The following PPP4R3B variants were observed in gnomAD, a reference collection of about 807,000 sequenced individuals.
PPP4R3B encodes serine/threonine-protein phosphatase 4 regulatory subunit 3B.
Under a neutral mutation model 95.4 loss-of-function variants are expected in PPP4R3B, and 52 were observed. That is an observed-to-expected ratio of 0.54 (90% confidence interval 0.44 to 0.69). The LOEUF (loss-of-function observed/expected upper bound fraction) is 0.69, where lower values mean the gene tolerates loss of function less well. PPP4R3B is among the 30% of genes least tolerant of loss of function. PPP4R3B has a pLI of 0.00. For missense variants in PPP4R3B, 1,003 were observed against 1,005.9 expected (o/e 1.00, Z 0.04); for synonymous variants, 407 against 343.9 (o/e 1.18, Z -2.03).
rs991855856 is a variant in PPP4R3B at position 55,556,179 on chromosome 2, A to G, written c.2454+2596T>C. 3.3e-5 allele frequency among the ~76,000 whole-genome samples: 5 copies of G among 152,298 alleles called. No individual in the cohort carries two copies. In the East Asian group the frequency reaches 7.7e-4, roughly 24 times the overall value. On this transcript the variant is annotated intron_variant, in intron 16 of 16. Coordinates refer to ENST00000616407, the MANE Select transcript of PPP4R3B (RefSeq NM_001122964.3). Reference sequence around the variant, plus strand: ...TGAGAGCAAATTAAAGTGGTGCTTAACTTCTGTCAACTCCTGTCTTGCTTA... The same window carrying G: ...TGAGAGCAAATTAAAGTGGTGCTTAGCTTCTGTCAACTCCTGTCTTGCTTA...
At chr2:55,583,585 C>T (rs2104273238) in intron 7 of PPP4R3B, among the ~76,000 whole-genome samples, 1 of 152,258 alleles carries the variant, frequency 6.6e-6, no homozygotes, top group East Asian at 1.9e-4. Flanking sequence ...ACACACATCA[C>T]TGAAGATGGA....
chr2:55,552,226 T>A (rs1319669102), intron 16 of PPP4R3B, among the ~76,000 whole-genome samples: 2 of 152,182 alleles, frequency 1.3e-5, no homozygotes, highest in East Asian at 1.9e-4. Context: ...AGAGATGCAC[T>A]TTGTGAAGCT....
At chr2:55,560,473 G>C (rs573211048) in intron 15 of PPP4R3B, among the ~76,000 whole-genome samples, 6 of 152,092 alleles carry the variant, frequency 3.9e-5, no homozygotes, top group Non-Finnish European at 8.8e-5. Flanking sequence ...TTTCTAAGCA[G>C]CAAAGCATTC....
intron 8 of PPP4R3B, among the ~76,000 whole-genome samples, chr2:55,581,053 G>C (rs1689376818): frequency 6.6e-6 from 1 of 152,112 alleles, no homozygotes; most frequent in Non-Finnish European, 1.5e-5. Context: ...AGGGGTTCAA[G>C]ACCAGCCTGA....
chr2:55,573,886 C>CTTT (rs369126683), intron 11 of PPP4R3B, 109 bp from the exon 12 acceptor site: 6,774 of 275,650 alleles, frequency 0.025, 35 homozygotes, highest in Middle Eastern at 0.039. Flanking sequence ...GTATTTCCTC[C>CTTT]TTTTTTTTTT....
intron 16 of PPP4R3B, among the ~76,000 whole-genome samples, chr2:55,556,761 C>T (rs995299757): frequency 1.3e-5 from 2 of 152,078 alleles, no homozygotes; most frequent in Non-Finnish European, 2.9e-5. Context: ...TACTACCTTA[C>T]CCCTTTTTAA....
At chr2:55,608,422 G>A (rs1036446664) in intron 2 of PPP4R3B, among the ~76,000 whole-genome samples, 2 of 152,166 alleles carry the variant, frequency 1.3e-5, no homozygotes, top group African/African-American at 2.4e-5. Flanking sequence ...AACAGTCAAC[G>A]GTTACTGATC....
In PPP4R3B at chr2:55,596,556, A is replaced by T. The variant is rs185861150; in HGVS notation, c.921+1860T>A. Among the ~76,000 whole-genome samples the T allele has an allele frequency of 3.1e-3, 475 of 152,368 alleles. 2 individuals are homozygous for T. Among genetic ancestry groups the T allele is most frequent in the Non-Finnish European group, 5.7e-3 (388 of 68,036 alleles). On this transcript the variant is annotated intron_variant, in intron 4 of 16. Transcript: ENST00000616407. ...TTTCCAAAGTCAATATGCCACAGCA[A>T]TGCAAAAATAATAATAAAAGCTAGG...
chr2:55,601,015 C>T (rs998732112), intron 3 of PPP4R3B, among the ~76,000 whole-genome samples: 3 of 151,736 alleles, frequency 2.0e-5, no homozygotes, highest in East Asian at 1.9e-4. Flanking sequence ...GGCATGGTGG[C>T]GCACGCCTGT....
intron 13 of PPP4R3B, among the ~76,000 whole-genome samples, chr2:55,567,681 G>A (rs1687486814): frequency 6.6e-6 from 1 of 152,174 alleles, no homozygotes; most frequent in Non-Finnish European, 1.5e-5. Flanking sequence ...CTCCCAAAGT[G>A]CTGGGATTAC....
At chr2:55,596,932 C>A (rs963807012) in intron 4 of PPP4R3B, among the ~76,000 whole-genome samples, 2 of 152,034 alleles carry the variant, frequency 1.3e-5, no homozygotes, top group African/African-American at 4.8e-5. Context: ...CCATTGCACT[C>A]CAGCTTGGGC....
At chr2:55,557,001 G>A (rs1034979943) in intron 16 of PPP4R3B, among the ~76,000 whole-genome samples, 1 of 152,166 alleles carries the variant, frequency 6.6e-6, no homozygotes, top group Admixed American at 6.5e-5. Context: ...AGGTGGCGGA[G>A]GCAGTGAGCT....
chr2:55,597,617 G>A (rs1040738305), intron 4 of PPP4R3B, among the ~76,000 whole-genome samples: 1 of 79,428 alleles, frequency 1.3e-5, no homozygotes. Flanking sequence ...GCAAGACTCC[G>A]TCTCAAAAAC....
rs1686209376 is a variant in PPP4R3B, at chr2:55,558,904, A to G, written c.2325T>C (p.Thr775=). Residue 775 remains threonine, a synonymous_variant, in exon 16 of 17, where the codon ACT becomes ACC. Coordinates refer to ENST00000616407, the MANE Select transcript of PPP4R3B (RefSeq NM_001122964.3). ...TAGCAGCACTGGCAGAGTGGGAGAA[A>G]GTAAATTTGAAGCCACCAGGAGATG... ...KRTSPGGFKF[T]FSHSASAANG... 6.2e-7 allele frequency: 1 copy of G among 1,614,100 alleles called. No homozygotes were observed. The highest frequency in any genetic ancestry group is 2.2e-5 in the East Asian group (1 of 44,866).
Position 55,549,723 on chromosome 2 carries a change from C to T in PPP4R3B, c.*188G>A, listed in dbSNP as rs1685036934. On this transcript the variant is annotated 3_prime_UTR_variant, in exon 17 of 17. Coordinates refer to ENST00000616407, the MANE Select transcript of PPP4R3B (RefSeq NM_001122964.3). ...AAAAGGCAAACCCCTTAATTACTAG[C>T]AAGCAATCAAGTTCCTGGGAAGCCT... 1 of 548,778 alleles carries T rather than the reference C, an allele frequency of 1.8e-6. No homozygotes were observed. Among genetic ancestry groups the T allele is most frequent in the Non-Finnish European group, 3.2e-6 (1 of 315,106 alleles). The allele number at this position is 548,778 out of a possible 1,614,324, so 34.0% of individuals were successfully genotyped here.
chr2:55,576,567 T>C (rs1416995712), intron 11 of PPP4R3B, among the ~76,000 whole-genome samples: 1 of 151,330 alleles, frequency 6.6e-6, no homozygotes, highest in African/African-American at 2.4e-5. Context: ...ACGGTGAAAC[T>C]CCGCCTCTAC....
chr2:55,550,424 T>G (rs2103729112), intron 16 of PPP4R3B, among the ~76,000 whole-genome samples: 1 of 152,362 alleles, frequency 6.6e-6, no homozygotes, highest in East Asian at 1.9e-4. Flanking sequence ...ATTTCATCAC[T>G]AAGTACACAT....
chr2:55,553,155 A>G (rs747575786), intron 16 of PPP4R3B, among the ~76,000 whole-genome samples: 7 of 152,242 alleles, frequency 4.6e-5, no homozygotes, highest in African/African-American at 9.6e-5. Context: ...GCAAAGGACC[A>G]TATACTTCAT....
chr2:55,610,133 A>T (rs1025505578), intron 2 of PPP4R3B, among the ~76,000 whole-genome samples: 1 of 152,176 alleles, frequency 6.6e-6, no homozygotes, highest in Non-Finnish European at 1.5e-5. Flanking sequence ...TTTAATATTT[A>T]ATCATTTACT....
Sources: allele counts gnomAD v4.1 joint callset (sites outside exome capture counted in the v4.1 genomes callset), GRCh38; gene constraint gnomAD v4.1.1; transcripts MANE v1.5; gene names NCBI Gene and HGNC (gene_info 2026-07-23, HGNC 2026-07-21).